ARID4B: variants seen among roughly 807,000 people sequenced by gnomAD.
ARID4B encodes AT-rich interactive domain-containing protein 4B.
A neutral mutation model predicts 147.5 loss-of-function variants in ARID4B; 26 were observed. The ratio of observed to expected loss-of-function variants is 0.18; its 90% CI spans 0.13 to 0.24. The LOEUF is 0.24. Ranked by LOEUF, ARID4B falls within the 10% of genes least tolerant of loss-of-function variation. The pLI is 1.00. For missense variants in ARID4B, 1,179 were observed against 1,511.5 expected, an observed-to-expected ratio of 0.78 and a Z score of 3.65; for synonymous variants, 512 against 507.9, an observed-to-expected ratio of 1.01 and a Z score of -0.11.
At chr1:235,299,657 G>T (rs994051383) in intron 2 of ARID4B, among the ~76,000 whole-genome samples, 3 of 152,192 alleles carry the variant, frequency 2.0e-5, no homozygotes, top group Non-Finnish European at 4.4e-5. Flanking sequence ...TATCATTTGA[G>T]ATCTGAATCC....
chr1:235,306,502 C>CA (rs35505288), intron 2 of ARID4B, among the ~76,000 whole-genome samples: 41,198 of 129,336 alleles, frequency 0.32, 6,873 homozygotes, highest in South Asian at 0.55. Flanking sequence ...GACTCCATCT[C>CA]AAAAAAAAAA....
At chr1:235,249,918 G>A (rs142706645) in intron 6 of ARID4B, among the ~76,000 whole-genome samples, 5,604 of 138,848 alleles carry the variant, frequency 0.04, 426 homozygotes, top group African/African-American at 0.14. Context: ...CCAGCCTGGC[G>A]ACAGAGAGAG....
In ARID4B at chr1:235,194,151, G is replaced by A. The variant is rs753915756; in HGVS notation, c.1987C>T (p.Arg663Trp). 7.4e-6 allele frequency: 12 copies of A among 1,613,220 alleles called. No homozygotes were observed. The highest frequency in any genetic ancestry group is 5.3e-5 in the African/African-American group (4 of 74,886). Residue 663 changes from arginine (R) to tryptophan (W), a missense_variant, in exon 19 of 24, where the codon CGG (arginine) becomes TGG (tryptophan). Physicochemically the swap from Arg to Trp is moderately radical, Grantham distance 101. Around this residue, in one of 10 missense-constraint regions of ARID4B, gnomAD observed 321 missense variants for 342.4 expected, o/e 0.94. Coordinates refer to ENST00000264183, the MANE Select transcript of ARID4B (RefSeq NM_016374.6). ...TGAAATGGTGGTTTGGACAAGCGCC[G>A]AAGTTTACAGTTTTTTGGAGAGTAT... ...EKYSPKNCKL[R>W]RLSKPPFQTN...
chr1:235,231,689 T>C (rs1668246850), intron 9 of ARID4B, among the ~76,000 whole-genome samples: 1 of 152,176 alleles, frequency 6.6e-6, no homozygotes, highest in Admixed American at 6.5e-5. Flanking sequence ...GGTTTCACCA[T>C]GTTGGACAGG....
intron 2 of ARID4B, among the ~76,000 whole-genome samples, chr1:235,322,056 A>G (rs1464193427): frequency 6.7e-6 from 1 of 150,198 alleles, no homozygotes; most frequent in Non-Finnish European, 1.5e-5. Context: ...GAGACAGAGT[A>G]TTGCTCTTGT....
chr1:235,298,480 T>C (rs986616951), intron 2 of ARID4B, among the ~76,000 whole-genome samples: 5 of 149,022 alleles, frequency 3.4e-5, no homozygotes, highest in Admixed American at 6.8e-5. Flanking sequence ...TATATGAATA[T>C]AACGTATATT....
At chr1:235,173,797 T>A (rs1410783175) in intron 22 of ARID4B, among the ~76,000 whole-genome samples, 4 of 73,504 alleles carry the variant, frequency 5.4e-5, no homozygotes, top group African/African-American at 2.3e-4. Context: ...TATATATATA[T>A]ATATATATAT....
intron 16 of ARID4B, among the ~76,000 whole-genome samples, chr1:235,215,835 T>C (rs1295551442): frequency 2.0e-5 from 3 of 151,888 alleles, no homozygotes; most frequent in Admixed American, 6.6e-5. Context: ...GCAATCTTCA[T>C]ACTTTGGCCT....
At chr1:235,247,892 G>A (rs983270421) in intron 6 of ARID4B, among the ~76,000 whole-genome samples, 8 of 152,096 alleles carry the variant, frequency 5.3e-5, no homozygotes, top group African/African-American at 1.2e-4. Flanking sequence ...GGAGGCTGAG[G>A]CAGGAGAATC....
intron 19 of ARID4B, among the ~76,000 whole-genome samples, chr1:235,186,894 C>T (rs1664721106): frequency 6.6e-6 from 1 of 151,662 alleles, no homozygotes; most frequent in African/African-American, 2.4e-5. Flanking sequence ...CACGGTTTTA[C>T]CATGTTGGTT....
chr1:235,253,356 C>T (rs1419392439), intron 5 of ARID4B, among the ~76,000 whole-genome samples: 1 of 152,192 alleles, frequency 6.6e-6, no homozygotes, highest in Non-Finnish European at 1.5e-5. Flanking sequence ...CTCCTGGCCT[C>T]TACCCACTAG....
intron 19 of ARID4B, among the ~76,000 whole-genome samples, chr1:235,190,609 A>G (rs1665027747): frequency 6.6e-6 from 1 of 152,224 alleles, no homozygotes; most frequent in African/African-American, 2.4e-5. Flanking sequence ...AAAATACTGA[A>G]GGAAAAACTT....
intron 22 of ARID4B, among the ~76,000 whole-genome samples, chr1:235,173,768 AAAAATATATATAT>A (rs1240289307): frequency 2.3e-5 from 1 of 44,226 alleles, no homozygotes; most frequent in African/African-American, 1.4e-4. Flanking sequence ...AAAAAAAAAA[AAAAATATATATAT>A]ATATATATAT....
chr1:235,294,405 CG>C (rs1672544235), intron 2 of ARID4B, among the ~76,000 whole-genome samples: 1 of 132,674 alleles, frequency 7.5e-6, no homozygotes, highest in African/African-American at 2.8e-5. Context: ...CTCCGCCTCC[CG>C]GGTTCAAGCA....
intron 2 of ARID4B, among the ~76,000 whole-genome samples, chr1:235,296,948 T>C (rs963974707): frequency 6.6e-6 from 1 of 151,940 alleles, no homozygotes; most frequent in Non-Finnish European, 1.5e-5. Flanking sequence ...AACACCCTGA[T>C]TGTGATCTCT....
chr1:235,213,004 AAAAT>A (rs920082076), intron 17 of ARID4B, among the ~76,000 whole-genome samples: 11 of 152,226 alleles, frequency 7.2e-5, no homozygotes, highest in African/African-American at 2.7e-4. Context: ...CAAATATTCT[AAAAT>A]AAATGATTCT....
chr1:235,220,383 C>T lies in ARID4B; in HGVS notation c.1326G>A (p.Glu442=). The change falls in exon 15 of 24, where the codon GAG becomes GAA. Residue 442 remains glutamate (E), a synonymous_variant. Transcript: ENST00000264183. ...CTCTTGGTATTATATTCCTCTCCTCCTCCATCTTTATTTCTTTGATCTCTG... is the reference window on the plus strand; with the variant it reads ...CTCTTGGTATTATATTCCTCTCCTCTTCCATCTTTATTTCTTTGATCTCTG... ...NETEIKEIKM[E]EERNIIPREE... The T allele has an allele frequency of 1.2e-6, 2 of 1,610,696 alleles. No individual in the cohort carries two copies. The highest frequency in any genetic ancestry group is 1.7e-6 in the Non-Finnish European group (2 of 1,177,282).
intron 22 of ARID4B, among the ~76,000 whole-genome samples, chr1:235,174,247 G>C (rs568404888): frequency 1.3e-5 from 2 of 151,854 alleles, no homozygotes; most frequent in African/African-American, 4.8e-5. Context: ...CACCATGCTG[G>C]TCAGGCTGGT....
chr1:235,255,275 C>CGA (rs1669905308), intron 5 of ARID4B, among the ~76,000 whole-genome samples: 2 of 78,814 alleles, frequency 2.5e-5, no homozygotes, highest in Admixed American at 1.5e-4. Context: ...ATATATCTCT[C>CGA]TCTCTCTCTC....
Sources: allele counts gnomAD v4.1 joint callset (sites outside exome capture counted in the v4.1 genomes callset), GRCh38; gene constraint gnomAD v4.1.1; regional missense constraint gnomAD v4.1.1; transcripts MANE v1.5; gene names NCBI Gene and HGNC (gene_info 2026-07-23, HGNC 2026-07-21).